The following HAO1 variants were observed in gnomAD, a reference collection of about 807,000 sequenced individuals.
HAO1 encodes the protein 2-Hydroxyacid oxidase 1.
HAO1 carries 34 observed loss-of-function variants against 39.7 expected under a neutral mutation model. The observed-to-expected ratio is 0.86, with a 90% confidence interval of 0.65 to 1.14. The LOEUF (loss-of-function observed/expected upper bound fraction) is 1.14. HAO1 is among the 50% of genes most tolerant of loss of function. The probability of loss-of-function intolerance (pLI) is 0.00; values close to 1 mark genes in which losing one functional copy is unlikely to be tolerated. For missense variants in HAO1, 479 were observed against 464.5 expected, an observed-to-expected ratio of 1.03 and a Z score of -0.29; for synonymous variants, 172 against 173.2, an observed-to-expected ratio of 0.99 and a Z score of 0.05.
At chr20:7,938,286 CAA>C (rs2050423071) in intron 1 of HAO1, among the ~76,000 whole-genome samples, 1 of 151,918 alleles carries the variant, frequency 6.6e-6, no homozygotes, top group South Asian at 2.1e-4. Context: ...AGTCATACAG[CAA>C]AAGAGGACAC....
intron 2 of HAO1, 28 bp from the exon 3 acceptor site, chr20:7,914,447 G>A (rs1465771371): frequency 6.2e-7 from 1 of 1,608,292 alleles, no homozygotes; most frequent in Non-Finnish European, 8.5e-7. Context: ...TGATCAAGAT[G>A]GGCCTGGCAT....
intron 2 of HAO1, among the ~76,000 whole-genome samples, chr20:7,926,046 C>A (rs560769366): frequency 6.6e-6 from 1 of 151,894 alleles, no homozygotes; most frequent in African/African-American, 2.4e-5. Flanking sequence ...ATATGTAATA[C>A]GGATGTGTGT....
intron 4 of HAO1, 44 bp from the exon 5 acceptor site, chr20:7,895,268 C>T (rs527685391): frequency 7.6e-7 from 1 of 1,315,430 alleles, no homozygotes; most frequent in South Asian, 1.2e-5. Flanking sequence ...TGTAACTTAA[C>T]AGGCAGCTTG....
Position 7,934,495 on chromosome 20 carries a change from G to A in HAO1, c.278C>T (p.Ala93Val). ...QRMAHVDGEL[A>V]TVRACQSLGT... is the part of the protein sequence containing the mutation. ...AATCTTCCTCCTACCTCTCACAGTG[G>A]CAAGCTCGCCGTCCACATGAGCCAT... Residue 93 changes from alanine (A) to valine (V), a missense_variant, in exon 2 of 8, where the codon GCC becomes GTC. Physicochemically the swap from Ala to Val is moderately conservative, Grantham distance 64. Coordinates refer to ENST00000378789, the MANE Select transcript of HAO1 (RefSeq NM_017545.3). 1 of 1,609,038 alleles carries A rather than the reference G, an allele frequency of 6.2e-7. No homozygotes were observed. The highest frequency in any genetic ancestry group is 8.5e-7 in the Non-Finnish European group (1 of 1,178,322).
At chr20:7,907,931 C>T (rs1415869363) in intron 3 of HAO1, among the ~76,000 whole-genome samples, 1 of 152,168 alleles carries the variant, frequency 6.6e-6, no homozygotes, top group Non-Finnish European at 1.5e-5. Flanking sequence ...AGTGACTGGA[C>T]TCACCTTGCT....
intron 2 of HAO1, among the ~76,000 whole-genome samples, chr20:7,922,336 T>C (rs1363923095): frequency 6.6e-6 from 1 of 152,096 alleles, no homozygotes. Flanking sequence ...GGAACCCTTG[T>C]GGAGAAAAGG....
chr20:7,921,991 T>C (rs1646332405), intron 2 of HAO1, among the ~76,000 whole-genome samples: 2 of 152,092 alleles, frequency 1.3e-5, no homozygotes, highest in South Asian at 2.1e-4. Flanking sequence ...TGAAAAAAAC[T>C]ACCTGTTTGG....
At chr20:7,901,423 C>T (rs2050220895) in intron 4 of HAO1, among the ~76,000 whole-genome samples, 1 of 152,168 alleles carries the variant, frequency 6.6e-6, no homozygotes, top group South Asian at 2.1e-4. Flanking sequence ...TATACCAAAT[C>T]TACTCTGCCT....
chr20:7,893,190 G>A (rs1050905831), intron 5 of HAO1, among the ~76,000 whole-genome samples: 17 of 152,006 alleles, frequency 1.1e-4, no homozygotes, highest in Non-Finnish European at 2.2e-4. Flanking sequence ...CACTGAAACC[G>A]CCTTTGCAAA....
intron 1 of HAO1, among the ~76,000 whole-genome samples, chr20:7,935,220 C>A (rs917402816): frequency 6.6e-6 from 1 of 152,152 alleles, no homozygotes; most frequent in African/African-American, 2.4e-5. Flanking sequence ...AATATTCCAT[C>A]ATACAGGGGT....
chr20:7,937,601 A>G (rs1055101041), intron 1 of HAO1, among the ~76,000 whole-genome samples: 1 of 152,174 alleles, frequency 6.6e-6, no homozygotes, highest in African/African-American at 2.4e-5. Flanking sequence ...TTCTGAAATC[A>G]TGAGGGCTTC....
intron 2 of HAO1, among the ~76,000 whole-genome samples, chr20:7,923,919 G>C (rs2050346695): frequency 6.6e-6 from 1 of 152,096 alleles, no homozygotes; most frequent in African/African-American, 2.4e-5. Flanking sequence ...CAAAGTTGGG[G>C]CTCATTGAAA....
rs988388085 is a variant in HAO1 at position 7,883,466 on chromosome 20, G to T, written c.*127C>A. On this transcript the variant is annotated 3_prime_UTR_variant, in exon 8 of 8. Transcript: ENST00000378789. Reference sequence around the variant, plus strand: ...AATAAAAGGGATTGCTATTTTGTTGGAAAAGAACGACACCCTTTGTATTGA... The same window carrying T: ...AATAAAAGGGATTGCTATTTTGTTGTAAAAGAACGACACCCTTTGTATTGA... 27 of 725,016 alleles carry T rather than the reference G, an allele frequency of 3.7e-5. No homozygotes were observed. The African/African-American group carries it at 4.4e-4, about 12-fold the overall frequency. The allele number at this position is 725,016 out of a possible 1,614,324, so 44.9% of individuals were successfully genotyped here.
intron 6 of HAO1, 26 bp from the exon 7 acceptor site, chr20:7,885,616 G>A (rs1317583772): frequency 6.4e-7 from 1 of 1,569,906 alleles, no homozygotes. Flanking sequence ...GATACAGAGT[G>A]ATTCAGAACT....
intron 5 of HAO1, among the ~76,000 whole-genome samples, chr20:7,890,000 C>T (rs1285389879): frequency 6.6e-6 from 1 of 152,088 alleles, no homozygotes; most frequent in Non-Finnish European, 1.5e-5. Flanking sequence ...GTACTGAGAC[C>T]TGGACACCAC....
chr20:7,897,537 T>C (rs2050203292), intron 4 of HAO1, among the ~76,000 whole-genome samples: 1 of 152,118 alleles, frequency 6.6e-6, no homozygotes, highest in Admixed American at 6.6e-5. Flanking sequence ...CATTCAGTCA[T>C]TTCAGCAATC....
At chr20:7,932,537 A>G (rs1014688362) in intron 2 of HAO1, among the ~76,000 whole-genome samples, 6 of 152,230 alleles carry the variant, frequency 3.9e-5, no homozygotes, top group African/African-American at 7.2e-5. Flanking sequence ...AGTCAGGAGT[A>G]ATCTCATCAC....
chr20:7,898,055 C>T (rs2050205346), intron 4 of HAO1, among the ~76,000 whole-genome samples: 2 of 152,152 alleles, frequency 1.3e-5, no homozygotes, highest in South Asian at 4.1e-4. Flanking sequence ...CATATTTCAT[C>T]CCAGCCATTC....
At chr20:7,926,889 A>C (rs1438557451) in intron 2 of HAO1, among the ~76,000 whole-genome samples, 1 of 151,994 alleles carries the variant, frequency 6.6e-6, no homozygotes, top group East Asian at 1.9e-4. Context: ...CAGTTTAATA[A>C]GAATTTGCTA....
Sources: gnomAD v4.1 joint callset for allele counts (sites outside exome capture counted in the v4.1 genomes callset) on GRCh38, gnomAD v4.1.1 for gene constraint, MANE v1.5 for transcripts, NCBI Gene and HGNC (gene_info 2026-07-23, HGNC 2026-07-21) for gene names.